Variants in PHF19 observed in about 807,000 individuals in gnomAD.
The protein encoded by PHF19 is polycomb like 3.
PHF19 carries 21 observed loss-of-function variants against 79.8 expected under a neutral mutation model. The observed-to-expected ratio is 0.26, with a 90% confidence interval of 0.19 to 0.38. The LOEUF is 0.38. Among genes scored for constraint, PHF19 ranks in the 10% least tolerant of loss-of-function variants. The pLI is 1.00. For synonymous variants in PHF19, 273 were observed against 296.3 expected, an observed-to-expected ratio of 0.92 and a Z score of 0.81; for missense variants, 445 against 744.2, an observed-to-expected ratio of 0.60 and a Z score of 4.68.
upstream of PHF19, among the ~76,000 whole-genome samples, chr9:120,877,793 C>G (rs1460223376): frequency 1.3e-5 from 2 of 152,202 alleles, no homozygotes; most frequent in Non-Finnish European, 2.9e-5. Flanking sequence ...TGTTCCGACA[C>G]AGGTCAGAAC....
In PHF19 at chr9:120,894,762, G is replaced by A. The variant is rs1173851799; in HGVS notation, c.42+26C>T. 19 of 1,214,622 alleles carry A rather than the reference G, an allele frequency of 1.6e-5. No individual in the cohort carries two copies. The Admixed American group carries it at 3.0e-4, about 19-fold the overall frequency. The allele number at this position is 1,214,622 out of a possible 1,614,324, so 75.2% of individuals were successfully genotyped here. A position where few individuals can be genotyped will look rare whatever the true frequency, so the allele number is the denominator to read the frequency against. On this transcript the variant is annotated intron_variant, in intron 1 of 14. Transcript: ENST00000616568. ...TCCCCAGCCTCGCGCCCGCCCCGCG[G>A]GTTCTTGTCGATCTCCCGGACCCAC... is the stretch of plus-strand genomic sequence containing the variant.
upstream of PHF19, among the ~76,000 whole-genome samples, chr9:120,881,407 A>G (rs979297728): frequency 6.6e-6 from 1 of 152,036 alleles, no homozygotes; most frequent in Non-Finnish European, 1.5e-5. Flanking sequence ...TCTGCCTCCC[A>G]AAGTGCTGGG....
Position 120,869,062 on chromosome 9 carries a change from G to T in PHF19, c.614+120C>A. The T allele has an allele frequency of 8.7e-7, 1 of 1,149,196 alleles. No individual in the cohort carries two copies. The highest frequency in any genetic ancestry group is 1.2e-6 in the Non-Finnish European group (1 of 850,540). 71.2% of individuals were successfully genotyped at this position (1,149,196 alleles called of 1,614,324 possible). Reference sequence around the variant, plus strand: ...CCGCCCCCACAGCGCAACACACTGGGCCCGCCCTCAAGGTCCCCGCCTTGG... The same window carrying T: ...CCGCCCCCACAGCGCAACACACTGGTCCCGCCCTCAAGGTCCCCGCCTTGG... On this transcript the variant is annotated intron_variant, in intron 6 of 14. Transcript: ENST00000373896. The surrounding 1 kb of genome is among the most constrained non-coding windows in gnomAD (Gnocchi z 5.8).
chr9:120,874,107 G>T lies in PHF19; in HGVS notation c.187-47C>A, dbSNP rs2045979551. 2.0e-6 allele frequency: 2 copies of T among 1,012,062 alleles called. No individual in the cohort carries two copies. Among genetic ancestry groups the T allele is most frequent in the Non-Finnish European group, 3.1e-6 (2 of 645,438 alleles). 62.7% of individuals were successfully genotyped at this position (1,012,062 alleles called of 1,614,324 possible). A position where few individuals can be genotyped will look rare whatever the true frequency, so the allele number is the denominator to read the frequency against. On this transcript the variant is annotated intron_variant, in intron 2 of 14. Coordinates refer to ENST00000373896, the MANE Select transcript of PHF19 (RefSeq NM_015651.3). The surrounding 1 kb of genome is among the most constrained non-coding windows in gnomAD (Gnocchi z 4.5). The stretch of plus-strand genomic sequence containing the variant: ...GCAAGTGAGAAAGGGCTGGGGAAAA[G>T]CCAACCTGGAACATAGTCTTCCTCC...
Position 120,860,945 on chromosome 9 carries a change from G to A in PHF19, c.1304+144C>T, listed in dbSNP as rs2045503601. 1.6e-6 allele frequency: 1 copy of A among 642,582 alleles called. No homozygotes were observed. The allele number at this position is 642,582 out of a possible 1,614,324, so 39.8% of individuals were successfully genotyped here. A position where few individuals can be genotyped will look rare whatever the true frequency, so the allele number is the denominator to read the frequency against. ...AGGGCTGTGGTGCTCTGGGAACAGG[G>A]ATGTTATGCTGAAAGCTCTACTGCA... On this transcript the variant is annotated intron_variant, in intron 13 of 14. Transcript: ENST00000373896. This position sits in a 1 kb window ranked among gnomAD's most constrained non-coding sequence, Gnocchi z 4.1.
chr9:120,890,102 T>A (rs6478484), intron 1 of PHF19, among the ~76,000 whole-genome samples: 1 of 152,160 alleles, frequency 6.6e-6, no homozygotes, highest in South Asian at 2.1e-4. Flanking sequence ...CAGTGCCCAG[T>A]TCAAGACCTG....
chr9:120,882,884 A>G (rs1390655485), intron 1 of PHF19, among the ~76,000 whole-genome samples: 1 of 151,570 alleles, frequency 6.6e-6, no homozygotes, highest in Non-Finnish European at 1.5e-5. Flanking sequence ...TACACACAAG[A>G]GGCTTTTCAC....
At chr9:120,896,221 A>T (rs1007193696), upstream of PHF19, among the ~76,000 whole-genome samples, 1 of 152,160 alleles carries the variant, frequency 6.6e-6, no homozygotes, top group Non-Finnish European at 1.5e-5. Flanking sequence ...ATAAATAATA[A>T]CACTAGCTAG....
chr9:120,884,398 T>A (rs2046234491), intron 1 of PHF19, among the ~76,000 whole-genome samples: 1 of 133,762 alleles, frequency 7.5e-6, no homozygotes. Flanking sequence ...AAGCTGGGTG[T>A]GTAGGAGAAA....
upstream of PHF19, among the ~76,000 whole-genome samples, chr9:120,896,563 T>A (rs1249923463): frequency 6.7e-6 from 1 of 149,750 alleles, no homozygotes; most frequent in Non-Finnish European, 1.5e-5. Context: ...GCCATTCTCC[T>A]GCCTCAGCCT....
the PHF19 span, among the ~76,000 whole-genome samples, chr9:120,900,114 G>A: frequency 7.4e-6 from 1 of 135,802 alleles, no homozygotes; most frequent in Admixed American, 6.9e-5. Flanking sequence ...AGCCCGCCGA[G>A]TAGCTGGGGT....
chr9:120,858,478 G>C (rs1264316121), intron 14 of PHF19, among the ~76,000 whole-genome samples, 192 bp from the exon 15 acceptor site: 1 of 152,078 alleles, frequency 6.6e-6, no homozygotes, highest in African/African-American at 2.4e-5. Flanking sequence ...TCTATGCCTT[G>C]GGCATAGATT....
chr9:120,877,460 G>T, upstream of PHF19: 1 of 636,840 alleles, frequency 1.6e-6, no homozygotes, highest in Non-Finnish European at 1.9e-6. Context: ...CGCCCCGCGG[G>T]CGCGCATCCT....
the PHF19 span, chr9:120,903,154 G>A: frequency 1.3e-5 from 2 of 152,402 alleles, no homozygotes; most frequent in African/African-American, 4.8e-5. Flanking sequence ...GCAGGAAGAA[G>A]TCAGTCTCCA....
upstream of PHF19, among the ~76,000 whole-genome samples, chr9:120,896,971 AC>A (rs1250975559): frequency 6.6e-6 from 1 of 152,170 alleles, no homozygotes; most frequent in African/African-American, 2.4e-5. Context: ...CCCACAGCCC[AC>A]CCCTGTGAAG....
rs75729381 is a variant in PHF19, at chr9:120,860,838, C to T, written c.1304+251G>A. On this transcript the variant is annotated intron_variant, in intron 13 of 14. Transcript: ENST00000373896. The surrounding 1 kb of genome is among the most constrained non-coding windows in gnomAD (Gnocchi z 4.1). Reference sequence around the variant, plus strand: ...GGTATCTCAGGCAGAGGGAGCAATACGAGCAAAGATGAGCAAGCATCAAAC... The same window carrying T: ...GGTATCTCAGGCAGAGGGAGCAATATGAGCAAAGATGAGCAAGCATCAAAC... 799 of 435,954 alleles carry T rather than the reference C, an allele frequency of 1.8e-3. 7 individuals are homozygous for T. The highest frequency in any genetic ancestry group is 0.014 in the African/African-American group (727 of 50,344). 27.0% of individuals were successfully genotyped at this position (435,954 alleles called of 1,614,324 possible). A position where few individuals can be genotyped will look rare whatever the true frequency, so the allele number is the denominator to read the frequency against.
chr9:120,883,114 C>T (rs2131585379), intron 1 of PHF19, among the ~76,000 whole-genome samples: 1 of 152,246 alleles, frequency 6.6e-6, no homozygotes, highest in East Asian at 1.9e-4. Flanking sequence ...GTTGGCATGC[C>T]TGTGGCCTTG....
chr9:120,879,279 T>C (rs2046144335), upstream of PHF19, among the ~76,000 whole-genome samples: 1 of 152,224 alleles, frequency 6.6e-6, no homozygotes, highest in Non-Finnish European at 1.5e-5. Context: ...AGCGGGGGGA[T>C]GTGAGACACA....
chr9:120,863,653 A>G (rs2045605056), intron 10 of PHF19, among the ~76,000 whole-genome samples: 1 of 152,104 alleles, frequency 6.6e-6, no homozygotes, highest in African/African-American at 2.4e-5. Flanking sequence ...AGTGAGGGAC[A>G]TGGCCAGCTG....
Sources: gnomAD v4.1 joint callset for allele counts (sites outside exome capture counted in the v4.1 genomes callset) on GRCh38, gnomAD v4.1.1 for gene constraint, Gnocchi (gnomAD v3.1) non-coding constraint, MANE v1.5 for transcripts, NCBI Gene and HGNC (gene_info 2026-07-23, HGNC 2026-07-21) for gene names.